Variants in EPB41L5 observed in about 807,000 individuals in gnomAD.
EPB41L5 encodes the protein erythrocyte membrane protein band 4.1 like 5.
A neutral mutation model predicts 106.6 loss-of-function variants in EPB41L5; 55 were observed. That is an observed-to-expected ratio of 0.52 (90% CI 0.42 to 0.65). The LOEUF (loss-of-function observed/expected upper bound fraction) is 0.65, where lower values mean the gene tolerates loss of function less well. EPB41L5 is among the 30% of genes least tolerant of loss of function. EPB41L5 has a pLI of 0.00. For synonymous variants in EPB41L5, 297 were observed against 306.7 expected (o/e 0.97, Z 0.33); for missense variants, 871 against 882.1 (o/e 0.99, Z 0.16).
intron 3 of EPB41L5, among the ~76,000 whole-genome samples, chr2:120,071,671 A>G (rs910190047): frequency 1.3e-5 from 2 of 152,210 alleles, no homozygotes; most frequent in African/African-American, 4.8e-5. Flanking sequence ...AAAAACAAGC[A>G]ATAGGGAAAG....
chr2:120,095,548 T>G (rs1013723088), intron 14 of EPB41L5, among the ~76,000 whole-genome samples: 3 of 151,134 alleles, frequency 2.0e-5, no homozygotes, highest in African/African-American at 7.3e-5. Context: ...TCCTCAAGCT[T>G]ACTGATTTTT....
At chr2:120,073,489 G>A (rs535415416) in intron 4 of EPB41L5, among the ~76,000 whole-genome samples, 1 of 152,276 alleles carries the variant, frequency 6.6e-6, no homozygotes, top group East Asian at 1.9e-4. Flanking sequence ...ATGCTTAATG[G>A]TTATTTTTTA....
chr2:120,107,890 G>A (rs1206156547), intron 16 of EPB41L5, among the ~76,000 whole-genome samples: 1 of 152,162 alleles, frequency 6.6e-6, no homozygotes, highest in Non-Finnish European at 1.5e-5. Flanking sequence ...CCTGACAATT[G>A]CTAATGTAGT....
At chr2:120,141,073 C>T (rs904327663) in intron 18 of EPB41L5, among the ~76,000 whole-genome samples, 4 of 152,060 alleles carry the variant, frequency 2.6e-5, no homozygotes, top group Non-Finnish European at 4.4e-5. Context: ...GTTGTAAGAG[C>T]CCATTGTAGA....
rs1447308884 is a variant in EPB41L5, at chr2:120,108,543, GA to G, written c.1337+7734del. On this transcript the variant is annotated intron_variant, in intron 16 of 24. Coordinates refer to ENST00000263713, the MANE Select transcript of EPB41L5 (RefSeq NM_020909.4). ...ATTATTAGGGGTAGAGTTAAAAAAT[GA>G]AAAATAAAAGGTTATGATAATAGGA... 4.6e-5 allele frequency: 7 copies of G among 152,176 alleles called. No individual in the cohort carries two copies. In the East Asian group the frequency reaches 1.3e-3, roughly 29 times the overall value. The allele number at this position is 152,176 out of a possible 1,614,324, so 9.4% of individuals were successfully genotyped here. A position where few individuals can be genotyped will look rare whatever the true frequency, so the allele number is the denominator to read the frequency against.
intron 20 of EPB41L5, among the ~76,000 whole-genome samples, chr2:120,149,690 A>G (rs1159911257): frequency 6.6e-6 from 1 of 152,192 alleles, no homozygotes; most frequent in African/African-American, 2.4e-5. Flanking sequence ...GCAGCTATGA[A>G]TAGTCATGTA....
Position 120,122,048 on chromosome 2 carries a change from TAA to T in EPB41L5, c.1338-5639_1338-5638del, listed in dbSNP as rs1685239545. On this transcript the variant is annotated intron_variant, in intron 16 of 24. Coordinates refer to ENST00000263713, the MANE Select transcript of EPB41L5 (RefSeq NM_020909.4). ...GTTGTTTTTTTCTTGTAAATTTGTT[TAA>T]GTTCTTTGTAGATTCTGGATATTAG... 3.3e-5 allele frequency among the ~76,000 whole-genome samples: 5 copies of T among 152,354 alleles called. No homozygotes were observed. In the South Asian group the frequency reaches 1.0e-3, roughly 32 times the overall value.
rs141949169 is a variant in EPB41L5 at position 120,043,252 on chromosome 2, G to A, written c.285+1142G>A. Among the ~76,000 whole-genome samples, 12 of 151,986 alleles carry A rather than the reference G, an allele frequency of 7.9e-5. No homozygotes were observed. The East Asian group carries it at 1.9e-3, about 24-fold the overall frequency. Reference sequence around the variant, plus strand: ...TACTATGCAGCTCATTAAAAATAGCGGTTTTGGGCCATGCATGGTGGCTCA... The same window carrying A: ...TACTATGCAGCTCATTAAAAATAGCAGTTTTGGGCCATGCATGGTGGCTCA... On this transcript the variant is annotated intron_variant, in intron 3 of 24. Transcript: ENST00000263713.
chr2:120,026,411 C>T (rs946283197), intron 2 of EPB41L5, among the ~76,000 whole-genome samples: 3 of 152,088 alleles, frequency 2.0e-5, no homozygotes, highest in Non-Finnish European at 2.9e-5. Context: ...CTCTATTGCT[C>T]AGGCTGGAGT....
intron 2 of EPB41L5, among the ~76,000 whole-genome samples, chr2:120,026,645 A>G (rs1381616329): frequency 1.3e-5 from 2 of 152,202 alleles, no homozygotes; most frequent in East Asian, 3.8e-4. Context: ...TTGGGATTAC[A>G]GGCGTGAGCC....
chr2:120,091,084 C>A (rs1192319056), intron 12 of EPB41L5, among the ~76,000 whole-genome samples: 1 of 151,812 alleles, frequency 6.6e-6, no homozygotes, highest in African/African-American at 2.4e-5. Context: ...CTGTAGTCTA[C>A]TTATATTAAA....
rs61730480 is a variant in EPB41L5 at position 120,143,110 on chromosome 2, T to C, written c.1707T>C (p.Ala569=). The C allele has an allele frequency of 6.5e-4, 1,036 of 1,605,236 alleles. 1 individual carries two copies. The highest frequency in any genetic ancestry group is 7.5e-4 in the Non-Finnish European group (887 of 1,176,790). The change falls in exon 19 of 25, where the codon GCT becomes GCC. Residue 569 remains alanine (A), a synonymous_variant. Transcript: ENST00000263713. ...ACTTCAAGAGTAACATTTTGAAGGCTCAAGTAGAAGCAGTGCATAAGGTAA... is the reference window on the plus strand; with the variant it reads ...ACTTCAAGAGTAACATTTTGAAGGCCCAAGTAGAAGCAGTGCATAAGGTAA... The part of the protein sequence containing the change: ...PPDFKSNILK[A]QVEAVHKVTK...
At chr2:120,098,221 G>GT (rs1683897520) in intron 14 of EPB41L5, among the ~76,000 whole-genome samples, 1 of 144,432 alleles carries the variant, frequency 6.9e-6, no homozygotes, top group African/African-American at 2.6e-5. Flanking sequence ...TGTTGTTGTT[G>GT]TTTTTTGAGA....
intron 17 of EPB41L5, among the ~76,000 whole-genome samples, chr2:120,130,996 A>C (rs1328256558): frequency 6.6e-6 from 1 of 152,232 alleles, no homozygotes; most frequent in Non-Finnish European, 1.5e-5. Context: ...GTTAATTTTA[A>C]AAGTCTTCAT....
At position 120,131,681 on chromosome 2, in the gene EPB41L5, C is replaced by G; in HGVS notation, c.1565C>G (p.Pro522Arg). The change falls in exon 18 of 25, where the codon CCT becomes CGT. Residue 522 changes from proline to arginine, a missense_variant. Physicochemically the swap from Pro to Arg is moderately radical, Grantham distance 103 (BLOSUM62 -2). Coordinates refer to ENST00000263713, the MANE Select transcript of EPB41L5 (RefSeq NM_020909.4). The part of the protein sequence containing the change: ...LEMENSPLLS[P>R]RSNIDVNINS... ...ATGGAGAACAGTCCTTTGCTGTCCC[C>G]TCGATCCAACATCGATGTTAACATA... is the stretch of plus-strand genomic sequence containing the variant. 1.2e-6 allele frequency: 2 copies of G among 1,613,794 alleles called. No homozygotes were observed. The highest frequency in any genetic ancestry group is 1.7e-6 in the Non-Finnish European group (2 of 1,179,828).
intron 3 of EPB41L5, among the ~76,000 whole-genome samples, chr2:120,058,257 C>T (rs906247146): frequency 1.3e-5 from 2 of 152,066 alleles, no homozygotes; most frequent in Non-Finnish European, 2.9e-5. Flanking sequence ...ATGATCAGAG[C>T]TCACTGTAGC....
intron 18 of EPB41L5, among the ~76,000 whole-genome samples, chr2:120,133,370 CAGTCT>C (rs1685788053): frequency 6.6e-6 from 1 of 152,152 alleles, no homozygotes; most frequent in South Asian, 2.1e-4. Flanking sequence ...GTAGGAAAGA[CAGTCT>C]TGAATGGCTG....
In EPB41L5 at chr2:120,074,195, G is replaced by T. The variant is rs755521759; in HGVS notation, c.407+17G>T. On this transcript the variant is annotated intron_variant, in intron 5 of 24. Transcript: ENST00000263713. ...GCTAACCCGGTAAGAACACCATCTAGAATTGTGCCAGGGTTATTTTGATAG... is the reference window on the plus strand; with the variant it reads ...GCTAACCCGGTAAGAACACCATCTATAATTGTGCCAGGGTTATTTTGATAG... The T allele has an allele frequency of 5.1e-6, 8 of 1,579,390 alleles. No homozygotes were observed. The highest frequency in any genetic ancestry group is 6.9e-6 in the Non-Finnish European group (8 of 1,153,128).
intron 20 of EPB41L5, among the ~76,000 whole-genome samples, chr2:120,153,622 A>G (rs1191322558): frequency 1.3e-5 from 2 of 151,998 alleles, no homozygotes; most frequent in Admixed American, 6.6e-5. Context: ...AGAATTGTCT[A>G]TTTTCCCCCC....
Sources: gnomAD v4.1 joint callset for allele counts (sites outside exome capture counted in the v4.1 genomes callset) on GRCh38, gnomAD v4.1.1 for gene constraint, MANE v1.5 for transcripts, NCBI Gene and HGNC (gene_info 2026-07-23, HGNC 2026-07-21) for gene names.